The following PTPN13 variants were observed in gnomAD, a reference collection of about 807,000 sequenced individuals.
PTPN13 encodes protein tyrosine phosphatase non-receptor type 13.
Under a neutral mutation model 284.0 loss-of-function variants are expected in PTPN13, and 191 were observed. The ratio of observed to expected loss-of-function variants is 0.67; its 90% CI spans 0.60 to 0.76. The LOEUF is 0.76. Ranked by LOEUF, PTPN13 falls within the 30% of genes least tolerant of loss-of-function variation. The probability of loss-of-function intolerance (pLI) is 0.00; values close to 1 mark genes in which losing one functional copy is unlikely to be tolerated. For missense variants in PTPN13, 2,797 were observed against 2,939.9 expected (o/e 0.95, Z 1.12); for synonymous variants, 986 against 1,022.3 (o/e 0.96, Z 0.68).
chr4:86,763,245 CA>C (rs1738913046), intron 24 of PTPN13, 55 bp downstream of exon 24: 7 of 1,394,284 alleles, frequency 5.0e-6, no homozygotes, highest in Non-Finnish European at 9.9e-7. Context: ...AAAATAGCAG[CA>C]AATAAGTTAC....
chr4:86,795,089 T>C (rs1387466012), intron 40 of PTPN13, among the ~76,000 whole-genome samples: 2 of 152,136 alleles, frequency 1.3e-5, no homozygotes, highest in African/African-American at 4.8e-5. Flanking sequence ...AAGAAACTCA[T>C]TAAGAGTGAA....
chr4:86,769,323 G>C (rs543193338), intron 28 of PTPN13, among the ~76,000 whole-genome samples: 7 of 150,954 alleles, frequency 4.6e-5, no homozygotes, highest in Admixed American at 4.0e-4. Context: ...GTCTGTTATC[G>C]TACTCTGTTT....
At chr4:86,741,231 C>T (rs1344764715) in intron 15 of PTPN13, among the ~76,000 whole-genome samples, 1 of 152,156 alleles carries the variant, frequency 6.6e-6, no homozygotes, top group Non-Finnish European at 1.5e-5. Context: ...CTGTATTAGT[C>T]CATTTTCACA....
At position 86,741,634 on chromosome 4, in the gene PTPN13, G is replaced by A. The variant is rs774824578; in HGVS notation, c.2305G>A (p.Val769Ile). The change falls in exon 16 of 48, where the codon GTC becomes ATC. Residue 769 changes from valine (V) to isoleucine (I), a missense_variant and splice_region_variant. Physicochemically the swap from Val to Ile is conservative, Grantham distance 29. Transcript: ENST00000411767. ...EKETELEFLK[V>I]CQRLTEYGVH... ...CTATGGTATGGTATTATTCCAACAG[G>A]TCTGCCAAAGACTGACAGAATATGG... is the stretch of plus-strand genomic sequence containing the variant. The A allele has an allele frequency of 1.2e-6, 2 of 1,610,870 alleles. No individual in the cohort carries two copies. Among genetic ancestry groups the A allele is most frequent in the Non-Finnish European group, 1.7e-6 (2 of 1,177,458 alleles).
rs141924809 is a variant in PTPN13, at chr4:86,595,811, T to C, written c.-6+1022T>C. ...GGTAACTAATTATAAATTTTAAGAT[T>C]TTAAAATTTATATCTAGAAAGTTTA... On this transcript the variant is annotated intron_variant, in intron 1 of 47. Coordinates refer to ENST00000411767, the MANE Select transcript of PTPN13 (RefSeq NM_080683.3). The C allele has an allele frequency of 8.9e-4, 850 of 954,666 alleles. 3 individuals are homozygous for C. In the African/African-American group the frequency reaches 0.012, roughly 13 times the overall value. 59.1% of individuals were successfully genotyped at this position (954,666 alleles called of 1,614,324 possible).
rs918257713 is a variant in PTPN13, at chr4:86,729,266, C to A, written c.1609-3134C>A. The stretch of plus-strand genomic sequence containing the variant: ...AACCCGACCTTTCTCTCTGGCTGCC[C>A]TTACCATTTTTTCCTTCATTTCAAC... On this transcript the variant is annotated intron_variant, in intron 10 of 47. Coordinates refer to ENST00000411767, the MANE Select transcript of PTPN13 (RefSeq NM_080683.3). 1.4e-4 allele frequency among the ~76,000 whole-genome samples: 21 copies of A among 149,558 alleles called. 1 individual carries two copies. The highest frequency in any genetic ancestry group is 4.4e-4 in the African/African-American group (18 of 41,094).
intron 7 of PTPN13, among the ~76,000 whole-genome samples, chr4:86,713,239 C>T (rs1298725098): frequency 1.3e-5 from 2 of 151,922 alleles, no homozygotes; most frequent in Admixed American, 1.3e-4. Context: ...TGTTGCAATT[C>T]CGGGTTTGCA....
rs745663341 is a variant in PTPN13 at position 86,775,602 on chromosome 4, T to C, written c.5841T>C (p.Val1947=). 1.9e-6 allele frequency: 3 copies of C among 1,613,352 alleles called. No homozygotes were observed. The Admixed American group carries it at 5.0e-5, about 27-fold the overall frequency. Residue 1947 remains valine, a synonymous_variant, in exon 35 of 48, where the codon GTT becomes GTC. Transcript: ENST00000411767. ...CACAAGGAATGACCTTGGAGGAAGT[T>C]AACAGAGCATTAGACATGTCACTTC... is the stretch of plus-strand genomic sequence containing the variant. ...VSTQGMTLEE[V]NRALDMSLPS...
At chr4:86,727,128 T>C (rs1734364032) in intron 10 of PTPN13, among the ~76,000 whole-genome samples, 1 of 149,662 alleles carries the variant, frequency 6.7e-6, no homozygotes, top group South Asian at 2.1e-4. Context: ...TTGATTTGCC[T>C]ATGTTGAACC....
intron 45 of PTPN13, among the ~76,000 whole-genome samples, chr4:86,808,292 G>T (rs1395170471): frequency 6.6e-6 from 1 of 152,130 alleles, no homozygotes; most frequent in Non-Finnish European, 1.5e-5. Flanking sequence ...CCTCATAAAG[G>T]CAACTTAACA....
At chr4:86,600,214 A>G (rs896315187) in intron 1 of PTPN13, among the ~76,000 whole-genome samples, 8 of 152,080 alleles carry the variant, frequency 5.3e-5, no homozygotes, top group South Asian at 2.1e-4. Context: ...TGTGTCATCA[A>G]ACTTAATGGT....
intron 20 of PTPN13, among the ~76,000 whole-genome samples, chr4:86,757,272 G>A (rs1281168987): frequency 6.6e-6 from 1 of 152,114 alleles, no homozygotes; most frequent in Admixed American, 6.6e-5. Flanking sequence ...GATTTATCAA[G>A]GACTGACTTC....
intron 14 of PTPN13, among the ~76,000 whole-genome samples, chr4:86,735,247 A>G (rs375592906): frequency 1.9e-3 from 291 of 152,308 alleles, no homozygotes; most frequent in African/African-American, 6.8e-3. Context: ...GAGAACTCAC[A>G]GTATACTTAA....
intron 5 of PTPN13, chr4:86,690,283 T>C (rs1282347493): frequency 6.6e-6 from 1 of 152,214 alleles, no homozygotes; most frequent in Non-Finnish European, 1.5e-5. Context: ...GGTAAAGCTA[T>C]TAAAAAATCT....
chr4:86,599,569 C>G (rs1016766038), intron 1 of PTPN13, among the ~76,000 whole-genome samples: 1 of 152,178 alleles, frequency 6.6e-6, no homozygotes, highest in Non-Finnish European at 1.5e-5. Flanking sequence ...GCAAACAGCT[C>G]AGATATAGAA....
At chr4:86,782,977 C>T (rs1295820208) in intron 37 of PTPN13, among the ~76,000 whole-genome samples, 2 of 152,008 alleles carry the variant, frequency 1.3e-5, no homozygotes, top group African/African-American at 2.4e-5. Context: ...TGTTTTATTC[C>T]ACATGCATCC....
Position 86,693,633 on chromosome 4 carries a change from A to G in PTPN13, c.593A>G (p.Gln198Arg). 1 of 1,557,618 alleles carries G rather than the reference A, an allele frequency of 6.4e-7. No homozygotes were observed. The highest frequency in any genetic ancestry group is 8.7e-7 in the Non-Finnish European group (1 of 1,148,134). Residue 198 changes from glutamine to arginine, a missense_variant, in exon 6 of 48, where the codon CAG (glutamine) becomes CGG (arginine). Physicochemically the swap from Gln to Arg is conservative, Grantham distance 43. Coordinates refer to ENST00000411767, the MANE Select transcript of PTPN13 (RefSeq NM_080683.3). ...CNSEQKPDRS[Q>R]AIRDRLRGKG... ...AGTGAACAAAAGCCTGATCGAAGCC[A>G]GGCTATTCGAGATCGATTGCGAGGA...
At chr4:86,718,610 C>T (rs1733290217) in intron 9 of PTPN13, among the ~76,000 whole-genome samples, 1 of 152,042 alleles carries the variant, frequency 6.6e-6, no homozygotes, top group African/African-American at 2.4e-5. Context: ...GCCACCATGC[C>T]CGGCTAAGTT....
intron 5 of PTPN13, 112 bp downstream of exon 5, chr4:86,689,302 A>AG: frequency 1.2e-6 from 1 of 840,496 alleles, no homozygotes; most frequent in Non-Finnish European, 1.8e-6. Flanking sequence ...AAGACTAGAA[A>AG]TGGAAAATTG....
Sources: allele counts gnomAD v4.1 joint callset (sites outside exome capture counted in the v4.1 genomes callset), GRCh38; gene constraint gnomAD v4.1.1; transcripts MANE v1.5; gene names NCBI Gene and HGNC (gene_info 2026-07-23, HGNC 2026-07-21).